PTPRN2: variants seen among roughly 807,000 people sequenced by gnomAD.
PTPRN2 encodes the protein protein tyrosine phosphatase receptor type N2, also known as receptor-type tyrosine-protein phosphatase N2.
In PTPRN2, 74 loss-of-function variants were observed where a neutral mutation model predicts 118.8. The ratio of observed to expected loss-of-function variants is 0.62; its 90% confidence interval spans 0.52 to 0.76. The LOEUF (loss-of-function observed/expected upper bound fraction) is 0.76. Among genes scored for constraint, PTPRN2 ranks in the 30% least tolerant of loss-of-function variants. The pLI, the probability that PTPRN2 is intolerant of heterozygous loss-of-function variation, is 0.00. For missense variants in PTPRN2, 1,481 were observed against 1,394.4 expected (o/e 1.06, Z -0.99); for synonymous variants, 641 against 608.0 (o/e 1.05, Z -0.80).
chr7:157,763,332 T>A lies in PTPRN2; in HGVS notation c.1789-80395A>T, dbSNP rs1802258698. Among the ~76,000 whole-genome samples the A allele has an allele frequency of 6.6e-6, 1 of 152,210 alleles. No individual in the cohort carries two copies. The highest frequency in any genetic ancestry group is 6.5e-5 in the Admixed American group (1 of 15,286). ...CCCTTTTCCAACAAAAGCTCAGCCC[T>A]GGTGATGACAGCACAGACTCCAGCT... On this transcript the variant is annotated intron_variant, in intron 12 of 22. Coordinates refer to ENST00000389418, the MANE Select transcript of PTPRN2 (RefSeq NM_002847.5). The surrounding 1 kb of genome is among the most constrained non-coding windows in gnomAD (Gnocchi z 4.9).
intron 2 of PTPRN2, among the ~76,000 whole-genome samples, chr7:158,333,707 G>A (rs1385419847): frequency 1.3e-5 from 2 of 148,966 alleles, no homozygotes; most frequent in Non-Finnish European, 3.0e-5. Context: ...GTCACCATAA[G>A]AGCTGAGGCC....
intron 15 of PTPRN2, among the ~76,000 whole-genome samples, chr7:157,614,530 A>G (rs1284198575): frequency 6.6e-6 from 1 of 152,228 alleles, no homozygotes; most frequent in East Asian, 1.9e-4. Flanking sequence ...TCCTGGTGGA[A>G]AAAACAAAAC....
chr7:158,518,728 T>C (rs538386283), intron 1 of PTPRN2, among the ~76,000 whole-genome samples: 2 of 152,264 alleles, frequency 1.3e-5, no homozygotes, highest in Admixed American at 1.3e-4. Context: ...TTCATGCCTG[T>C]AATCCCAGCA....
intron 12 of PTPRN2, among the ~76,000 whole-genome samples, chr7:157,819,100 C>A (rs1806627013): frequency 6.6e-6 from 1 of 152,186 alleles, no homozygotes; most frequent in African/African-American, 2.4e-5. Flanking sequence ...TGGCCCCAGC[C>A]CCCCAAACAC....
intron 13 of PTPRN2, among the ~76,000 whole-genome samples, chr7:157,680,666 G>A (rs1215694025): frequency 6.6e-6 from 1 of 152,136 alleles, no homozygotes; most frequent in Non-Finnish European, 1.5e-5. Flanking sequence ...ACAATCCACC[G>A]TGATGGGGCA....
At position 158,089,912 on chromosome 7, in the gene PTPRN2, T is replaced by C. The variant is rs1223093174; in HGVS notation, c.1644-8535A>G. Among the ~76,000 whole-genome samples, 106 of 28,122 alleles carry C rather than the reference T, an allele frequency of 3.8e-3. 2 individuals carry two copies. The highest frequency in any genetic ancestry group is 7.2e-3 in the African/African-American group (88 of 12,180). 18.4% of individuals were successfully genotyped at this position (28,122 alleles called of 152,430 possible). ...GAGGGAGTCTTCACACAAACCTGTC[T>C]TCCCCTGACGAAAGAGGGAGTCTTC... On this transcript the variant is annotated intron_variant, in intron 10 of 22. Transcript: ENST00000389418.
chr7:157,658,842 G>A (rs187496936), intron 13 of PTPRN2, among the ~76,000 whole-genome samples: 48 of 152,306 alleles, frequency 3.2e-4, no homozygotes, highest in African/African-American at 1.1e-3. Flanking sequence ...GAAAGGCTCC[G>A]GGGAACCTCG....
intron 1 of PTPRN2, among the ~76,000 whole-genome samples, chr7:158,522,821 G>T (rs934053442): frequency 2.0e-5 from 3 of 152,172 alleles, no homozygotes; most frequent in African/African-American, 7.2e-5. Context: ...ACCATCACGA[G>T]TTCTTCCAAC....
intron 2 of PTPRN2, among the ~76,000 whole-genome samples, chr7:158,357,671 C>G (rs1326331195): frequency 6.6e-6 from 1 of 152,230 alleles, no homozygotes; most frequent in African/African-American, 2.4e-5. Context: ...CATCAGCAAG[C>G]CTGTAGCAGC....
intron 3 of PTPRN2, among the ~76,000 whole-genome samples, chr7:158,234,536 A>T (rs548401445): frequency 6.6e-6 from 1 of 151,908 alleles, no homozygotes; most frequent in South Asian, 2.1e-4. Flanking sequence ...AAACATACAA[A>T]TGGTAAAACA....
At position 157,622,676 on chromosome 7, in the gene PTPRN2, G is replaced by C. The variant is rs543504471; in HGVS notation, c.2197-1167C>G. Among the ~76,000 whole-genome samples, 39 of 152,326 alleles carry C rather than the reference G, an allele frequency of 2.6e-4. No homozygotes were observed. The highest frequency in any genetic ancestry group is 9.1e-4 in the African/African-American group (38 of 41,586). ...ACGGGAGCAGGTGCATCGGGCACCT[G>C]TGCTGTTTGCGCGACACCCCCGCAT... On this transcript the variant is annotated intron_variant, in intron 14 of 22. Transcript: ENST00000389418. This position sits in a 1 kb window ranked among gnomAD's most constrained non-coding sequence, Gnocchi z 5.3.
chr7:158,554,967 G>T (rs1185368095), intron 1 of PTPRN2, among the ~76,000 whole-genome samples: 1 of 152,088 alleles, frequency 6.6e-6, no homozygotes, highest in Non-Finnish European at 1.5e-5. Context: ...CACGACCCGG[G>T]GACACGTTTA....
intron 12 of PTPRN2, among the ~76,000 whole-genome samples, chr7:157,750,308 C>T (rs1439197167): frequency 6.6e-6 from 1 of 152,100 alleles, no homozygotes; most frequent in Non-Finnish European, 1.5e-5. Flanking sequence ...GCCAAACGAT[C>T]AAAACAATCA....
chr7:157,599,398 ACTAGGATG>A (rs1801534255), intron 16 of PTPRN2, among the ~76,000 whole-genome samples: 1 of 152,174 alleles, frequency 6.6e-6, no homozygotes, highest in East Asian at 1.9e-4. Context: ...TGTCATATGA[ACTAGGATG>A]CTAGTGAGGT....
intron 3 of PTPRN2, among the ~76,000 whole-genome samples, chr7:158,313,491 C>T (rs1487136166): frequency 6.6e-6 from 1 of 152,196 alleles, no homozygotes; most frequent in African/African-American, 2.4e-5. Flanking sequence ...AGTTCTGATA[C>T]ACCTGGGCAG....
At chr7:157,621,215 C>CGGGGGCTGGTACACACAGGTCAGCA (rs1434118857) in intron 15 of PTPRN2, 147 bp downstream of exon 15, 3 of 1,355,696 alleles carry the variant, frequency 2.2e-6, no homozygotes, top group African/African-American at 1.5e-5. Context: ...CCTCCCGTCC[C>CGGGGGCTGGTACACACAGGTCAGCA]CGGGGCTGGT....
At position 158,526,877 on chromosome 7, in the gene PTPRN2, A is replaced by G. The variant is rs1824819963; in HGVS notation, c.113-37092T>C. On this transcript the variant is annotated intron_variant, in intron 1 of 22. Coordinates refer to ENST00000389418, the MANE Select transcript of PTPRN2 (RefSeq NM_002847.5). This position sits in a 1 kb window ranked among gnomAD's most constrained non-coding sequence, Gnocchi z 5.2. ...GACTCAGAAATGTCTGTTGTTTGCT[A>G]AGCCGCCTGGTTTGTGGGGGTTTGT... is the stretch of plus-strand genomic sequence containing the variant. 6.6e-6 allele frequency among the ~76,000 whole-genome samples: 1 copy of G among 152,098 alleles called. No homozygotes were observed. The highest frequency in any genetic ancestry group is 1.5e-5 in the Non-Finnish European group (1 of 68,026).
intron 2 of PTPRN2, among the ~76,000 whole-genome samples, chr7:158,377,809 ACGG>A (rs955117515): frequency 6.6e-6 from 1 of 152,180 alleles, no homozygotes; most frequent in Non-Finnish European, 1.5e-5. Flanking sequence ...GGCTGCTGGT[ACGG>A]CCCTGCACGG....
chr7:157,635,197 C>T (rs960026371), intron 14 of PTPRN2, among the ~76,000 whole-genome samples: 6 of 152,258 alleles, frequency 3.9e-5, no homozygotes, highest in Admixed American at 3.3e-4. Context: ...ACTGTTTGCT[C>T]TTCATGGTGT....
Sources: gnomAD v4.1 joint callset for allele counts (sites outside exome capture counted in the v4.1 genomes callset) on GRCh38, gnomAD v4.1.1 for gene constraint, Gnocchi (gnomAD v3.1) non-coding constraint, MANE v1.5 for transcripts, NCBI Gene and HGNC (gene_info 2026-07-23, HGNC 2026-07-21) for gene names.